The following GRID1 variants were observed in gnomAD, a reference collection of about 807,000 sequenced individuals.
GRID1 encodes glutamate ionotropic receptor delta type subunit 1, also known as glutamate receptor ionotropic, delta-1.
Under a neutral mutation model 98.0 loss-of-function variants are expected in GRID1, and 28 were observed. The ratio of observed to expected loss-of-function variants is 0.29; its 90% confidence interval spans 0.21 to 0.39. The LOEUF is 0.39. Among genes scored for constraint, GRID1 ranks in the 10% least tolerant of loss-of-function variants. The probability of loss-of-function intolerance (pLI) is 1.00; values close to 1 mark genes in which losing one functional copy is unlikely to be tolerated. For synonymous variants in GRID1, 553 were observed against 538.5 expected (o/e 1.03, Z -0.37); for missense variants, 1,111 against 1,340.5 (o/e 0.83, Z 2.67).
chr10:86,232,069 C>T (rs1031759250), intron 2 of GRID1, among the ~76,000 whole-genome samples: 10 of 152,264 alleles, frequency 6.6e-5, no homozygotes, highest in African/African-American at 1.4e-4. Flanking sequence ...AGAGGAGAAA[C>T]AAGGGTAGAG....
At chr10:85,632,834 G>A (rs1842991053) in intron 13 of GRID1, among the ~76,000 whole-genome samples, 1 of 152,186 alleles carries the variant, frequency 6.6e-6, no homozygotes, top group Non-Finnish European at 1.5e-5. Flanking sequence ...CCATTACCTA[G>A]GTATTAAGCC....
chr10:86,113,244 C>T (rs11201886), intron 4 of GRID1, among the ~76,000 whole-genome samples: 1 of 151,850 alleles, frequency 6.6e-6, no homozygotes, highest in Admixed American at 6.6e-5. Flanking sequence ...AACCCCAACT[C>T]CTCGTCTAGC....
intron 2 of GRID1, among the ~76,000 whole-genome samples, chr10:86,267,593 C>T (rs2607860): frequency 0.041 from 6,245 of 152,314 alleles, 237 homozygotes; most frequent in Admixed American, 0.11. Context: ...CATGCAGGGA[C>T]GGGGCCCTTG....
intron 8 of GRID1, among the ~76,000 whole-genome samples, chr10:85,737,703 T>TAA (rs1414469165): frequency 3.2e-5 from 3 of 92,470 alleles, no homozygotes; most frequent in Non-Finnish European, 6.2e-5. Flanking sequence ...TATATATATA[T>TAA]AACATACATG....
intron 2 of GRID1, among the ~76,000 whole-genome samples, chr10:86,344,921 C>A (rs946424903): frequency 9.2e-5 from 14 of 152,212 alleles, no homozygotes; most frequent in African/African-American, 3.4e-4. Context: ...AGCACCGGGT[C>A]CCTCTGACCA....
intron 3 of GRID1, among the ~76,000 whole-genome samples, chr10:86,193,964 T>C (rs1281347556): frequency 6.6e-6 from 1 of 152,096 alleles, no homozygotes; most frequent in Non-Finnish European, 1.5e-5. Context: ...CTGCATTTTA[T>C]CTGGTTCTCT....
At chr10:86,352,780 T>C (rs1848480615) in intron 2 of GRID1, among the ~76,000 whole-genome samples, 1 of 152,178 alleles carries the variant, frequency 6.6e-6, no homozygotes, top group Non-Finnish European at 1.5e-5. Context: ...CCCTCAGCTC[T>C]GGACACAAGA....
chr10:85,602,235 G>T lies in GRID1; in HGVS notation c.*38C>A. 7.5e-7 allele frequency: 1 copy of T among 1,333,636 alleles called. No individual in the cohort carries two copies. Among genetic ancestry groups the T allele is most frequent in the South Asian group, 1.5e-5 (1 of 65,410 alleles). The allele number at this position is 1,333,636 out of a possible 1,614,324, so 82.6% of individuals were successfully genotyped here. A position where few individuals can be genotyped will look rare whatever the true frequency, so the allele number is the denominator to read the frequency against. On this transcript the variant is annotated 3_prime_UTR_variant, in exon 16 of 16. Coordinates refer to ENST00000327946, the MANE Select transcript of GRID1 (RefSeq NM_017551.3). The stretch of plus-strand genomic sequence containing the variant: ...TTGTATTAAAAAGCTCTGCTGGTCG[G>T]GTGGGTGGGAGGGTGGGCAGGAGGG...
At position 86,054,954 on chromosome 10, in the gene GRID1, T is replaced by C. The variant is rs562053312; in HGVS notation, c.726+83865A>G. Reference sequence around the variant, plus strand: ...ACTTCTGAGCCTAGATCTCAAGAGCTCTTGCCCATTTCCACTCACTCTCTG... The same window carrying C: ...ACTTCTGAGCCTAGATCTCAAGAGCCCTTGCCCATTTCCACTCACTCTCTG... On this transcript the variant is annotated intron_variant, in intron 4 of 15. Coordinates refer to ENST00000327946, the MANE Select transcript of GRID1 (RefSeq NM_017551.3). Among the ~76,000 whole-genome samples the C allele has an allele frequency of 2.6e-5, 4 of 152,330 alleles. No homozygotes were observed. The East Asian group carries it at 7.7e-4, about 29-fold the overall frequency.
At chr10:86,052,824 C>T (rs569129631) in intron 4 of GRID1, among the ~76,000 whole-genome samples, 1 of 152,312 alleles carries the variant, frequency 6.6e-6, no homozygotes, top group Admixed American at 6.5e-5. Flanking sequence ...TATTCATATA[C>T]ATTACATAAA....
chr10:86,098,986 C>T (rs763484908), intron 4 of GRID1, among the ~76,000 whole-genome samples: 51 of 152,292 alleles, frequency 3.3e-4, no homozygotes, highest in Middle Eastern at 3.4e-3. Context: ...TCAACACAAG[C>T]ACACTCTGGT....
intron 3 of GRID1, among the ~76,000 whole-genome samples, chr10:86,159,085 G>A (rs754955907): frequency 4.2e-4 from 64 of 152,142 alleles, no homozygotes; most frequent in African/African-American, 1.3e-3. Context: ...TGGTAGAGAC[G>A]GGGTTTCACC....
intron 12 of GRID1, among the ~76,000 whole-genome samples, chr10:85,682,182 T>C (rs1841217369): frequency 6.6e-6 from 1 of 152,096 alleles, no homozygotes; most frequent in East Asian, 1.9e-4. Flanking sequence ...TAGAGATAAG[T>C]CCCAAGACCA....
intron 3 of GRID1, among the ~76,000 whole-genome samples, chr10:86,189,165 T>A (rs1044503235): frequency 6.6e-6 from 1 of 152,198 alleles, no homozygotes; most frequent in African/African-American, 2.4e-5. Flanking sequence ...TCAGATATTA[T>A]GTGACCCTGG....
At chr10:86,358,186 A>C (rs1848557908) in intron 2 of GRID1, among the ~76,000 whole-genome samples, 1 of 152,166 alleles carries the variant, frequency 6.6e-6, no homozygotes, top group Non-Finnish European at 1.5e-5. Context: ...TAGAAACAGA[A>C]AGGAAACATA....
chr10:85,923,179 A>G (rs950903241), intron 4 of GRID1, among the ~76,000 whole-genome samples: 3 of 152,054 alleles, frequency 2.0e-5, no homozygotes, highest in African/African-American at 7.2e-5. Context: ...TCTTTGCTCG[A>G]GGATCCTTGA....
chr10:85,793,727 A>G (rs1469909593), intron 8 of GRID1, among the ~76,000 whole-genome samples: 1 of 152,220 alleles, frequency 6.6e-6, no homozygotes, highest in African/African-American at 2.4e-5. Context: ...AATGAAAACT[A>G]TATGAAAAAA....
rs189317322 is a variant in GRID1 at position 85,658,663 on chromosome 10, T to C, written c.1998-11266A>G. ...AGCACAGAGTCATGGGAACATGAAG[T>C]TGAACCTGTCCCAGCTTAGCAGACA... On this transcript the variant is annotated intron_variant, in intron 12 of 15. Coordinates refer to ENST00000327946, the MANE Select transcript of GRID1 (RefSeq NM_017551.3). Among the ~76,000 whole-genome samples, 4 of 152,238 alleles carry C rather than the reference T, an allele frequency of 2.6e-5. No homozygotes were observed. In the East Asian group the frequency reaches 7.7e-4, roughly 29 times the overall value.
intron 4 of GRID1, among the ~76,000 whole-genome samples, chr10:85,963,915 A>T (rs1445250994): frequency 6.6e-6 from 1 of 152,240 alleles, no homozygotes; most frequent in Middle Eastern, 3.2e-3. Context: ...GGATTTATAC[A>T]TGGCAGAGTA....
Sources: allele counts gnomAD v4.1 joint callset (sites outside exome capture counted in the v4.1 genomes callset), GRCh38; gene constraint gnomAD v4.1.1; transcripts MANE v1.5; gene names NCBI Gene and HGNC (gene_info 2026-07-23, HGNC 2026-07-21).